The following HSDL2 variants were observed in gnomAD, a reference collection of about 807,000 sequenced individuals.
The protein encoded by HSDL2 is hydroxysteroid dehydrogenase like 2, also known as hydroxysteroid dehydrogenase-like protein 2.
Under a neutral mutation model 46.3 loss-of-function variants are expected in HSDL2, and 27 were observed. The ratio of observed to expected loss-of-function variants is 0.58; its 90% confidence interval spans 0.43 to 0.80. The LOEUF (loss-of-function observed/expected upper bound fraction) is 0.80. HSDL2 is among the 30% of genes least tolerant of loss of function. The probability of loss-of-function intolerance (pLI) is 0.00; values close to 1 mark genes in which losing one functional copy is unlikely to be tolerated. For synonymous variants in HSDL2, 153 were observed against 163.6 expected (o/e 0.94, Z 0.50); for missense variants, 451 against 502.7 (o/e 0.90, Z 0.98).
At chr9:112,418,722 CACAT>C (rs1832052834) in intron 5 of HSDL2, 134 bp from the exon 6 acceptor site, 1 of 419,206 alleles carries the variant, frequency 2.4e-6, no homozygotes, top group East Asian at 4.4e-5. Context: ...CAGATATATA[CACAT>C]ACATATGTAT....
chr9:112,433,151 G>C (rs1832447144), intron 6 of HSDL2, among the ~76,000 whole-genome samples: 1 of 152,136 alleles, frequency 6.6e-6, no homozygotes, highest in Non-Finnish European at 1.5e-5. Flanking sequence ...GTAAACAATT[G>C]AAATGAGATC....
intron 8 of HSDL2, among the ~76,000 whole-genome samples, chr9:112,446,447 T>C (rs771959645): frequency 6.6e-5 from 10 of 152,164 alleles, no homozygotes; most frequent in Non-Finnish European, 1.3e-4. Flanking sequence ...AATGTAGCAA[T>C]AGCAAGATCC....
intron 4 of HSDL2, among the ~76,000 whole-genome samples, chr9:112,410,834 T>TG (rs762843852): frequency 1.1e-4 from 17 of 151,926 alleles, no homozygotes; most frequent in Non-Finnish European, 2.1e-4. Flanking sequence ...GAAGCTGAAG[T>TG]GGGGGGATTG....
At chr9:112,424,935 C>T (rs1832214120) in intron 6 of HSDL2, among the ~76,000 whole-genome samples, 1 of 151,820 alleles carries the variant, frequency 6.6e-6, no homozygotes, top group African/African-American at 2.4e-5. Flanking sequence ...TGCAGATTCT[C>T]CTAGTTTTTT....
At chr9:112,442,745 A>AT (rs567587188) in intron 8 of HSDL2, among the ~76,000 whole-genome samples, 45 of 147,714 alleles carry the variant, frequency 3.0e-4, no homozygotes, top group African/African-American at 6.9e-4. Flanking sequence ...ACTCTCATCG[A>AT]TTTTTTTTTT....
intron 1 of HSDL2, among the ~76,000 whole-genome samples, chr9:112,382,941 CT>C (rs56082014): frequency 0.42 from 58,212 of 138,094 alleles, 11,958 homozygotes; most frequent in South Asian, 0.48. Flanking sequence ...AAACCAAGAT[CT>C]TTTTTTTTTT....
chr9:112,465,286 G>A (rs1347942844), intron 10 of HSDL2, among the ~76,000 whole-genome samples: 3 of 151,996 alleles, frequency 2.0e-5, no homozygotes, highest in Non-Finnish European at 2.9e-5. Context: ...CCACTACCAC[G>A]CCTGGCTAAT....
chr9:112,412,285 G>A (rs1355526193), intron 4 of HSDL2, among the ~76,000 whole-genome samples: 1 of 138,654 alleles, frequency 7.2e-6, no homozygotes, highest in Non-Finnish European at 1.6e-5. Flanking sequence ...GATTAAAAAG[G>A]TTTTAGACTG....
At chr9:112,394,437 C>G (rs1405033305) in intron 1 of HSDL2, among the ~76,000 whole-genome samples, 1 of 152,200 alleles carries the variant, frequency 6.6e-6, no homozygotes, top group Non-Finnish European at 1.5e-5. Context: ...ACATCCTCTT[C>G]CGCCAGAGGA....
chr9:112,392,853 A>T (rs987671814), intron 1 of HSDL2, among the ~76,000 whole-genome samples: 1 of 152,260 alleles, frequency 6.6e-6, no homozygotes, highest in African/African-American at 2.4e-5. Flanking sequence ...TTAAGAGATT[A>T]AAGTAAAGAC....
chr9:112,409,034 G>C lies in HSDL2; in HGVS notation c.395+13G>C. ...GCACCTACCTTGCGTAAGTTTGCAA[G>C]AAGAGTTGTTGGGGAGGAAGTTGCG... On this transcript the variant is annotated intron_variant, in intron 4 of 10. Coordinates refer to ENST00000398805, the MANE Select transcript of HSDL2 (RefSeq NM_032303.5). 6.8e-7 allele frequency: 1 copy of C among 1,462,142 alleles called. No individual in the cohort carries two copies. Among genetic ancestry groups the C allele is most frequent in the Non-Finnish European group, 9.5e-7 (1 of 1,048,798 alleles). The allele number at this position is 1,462,142 out of a possible 1,614,324, so 90.6% of individuals were successfully genotyped here.
At chr9:112,387,039 G>C (rs1386261152) in intron 1 of HSDL2, among the ~76,000 whole-genome samples, 2 of 152,142 alleles carry the variant, frequency 1.3e-5, no homozygotes, top group Non-Finnish European at 2.9e-5. Context: ...CCAACCATAA[G>C]AAAAACTGAG....
intron 8 of HSDL2, among the ~76,000 whole-genome samples, chr9:112,444,269 C>T (rs546706512): frequency 3.5e-4 from 53 of 152,294 alleles, no homozygotes; most frequent in African/African-American, 1.2e-3. Context: ...TCCCTTGTTT[C>T]CAAAGGGGGA....
chr9:112,401,560 A>G (rs759037211), intron 1 of HSDL2, among the ~76,000 whole-genome samples: 2 of 152,078 alleles, frequency 1.3e-5, no homozygotes, highest in Admixed American at 6.6e-5. Flanking sequence ...GTAACAATCA[A>G]TCTTAGCTCC....
chr9:112,438,281 C>G, intron 6 of HSDL2, 150 bp from the exon 7 acceptor site: 1 of 579,988 alleles, frequency 1.7e-6, no homozygotes, highest in African/African-American at 1.9e-5. Flanking sequence ...TTGGCAAATC[C>G]CTTAAGCAAT....
intron 6 of HSDL2, among the ~76,000 whole-genome samples, chr9:112,435,279 G>T (rs1832500540): frequency 6.6e-6 from 1 of 152,030 alleles, no homozygotes; most frequent in Non-Finnish European, 1.5e-5. Flanking sequence ...TATTTTATTA[G>T]ACTTCTAATT....
chr9:112,428,060 T>G (rs182005626), intron 6 of HSDL2, among the ~76,000 whole-genome samples: 1 of 152,318 alleles, frequency 6.6e-6, no homozygotes, highest in Admixed American at 6.5e-5. Flanking sequence ...TCCTATCTGC[T>G]ATGTACTGGA....
rs146488196 is a variant in HSDL2 at position 112,441,511 on chromosome 9, G to A, written c.794-188G>A. Among the ~76,000 whole-genome samples, 635 of 152,256 alleles carry A rather than the reference G, an allele frequency of 4.2e-3. 5 individuals carry two copies. Among genetic ancestry groups the A allele is most frequent in the African/African-American group, 0.015 (616 of 41,546 alleles). On this transcript the variant is annotated intron_variant, in intron 7 of 10. Coordinates refer to ENST00000398805, the MANE Select transcript of HSDL2 (RefSeq NM_032303.5). Reference sequence around the variant, plus strand: ...ATCTTGAAGATAAAATTTATCAGAGGAGAGAAAGATAACTGAATTATGAGA... The same window carrying A: ...ATCTTGAAGATAAAATTTATCAGAGAAGAGAAAGATAACTGAATTATGAGA...
chr9:112,430,940 C>T (rs1320916833), intron 6 of HSDL2, among the ~76,000 whole-genome samples: 2 of 150,694 alleles, frequency 1.3e-5, no homozygotes, highest in Admixed American at 1.3e-4. Context: ...TAGTCCCATC[C>T]ACTCAGGAGG....
Sources: allele counts gnomAD v4.1 joint callset (sites outside exome capture counted in the v4.1 genomes callset), GRCh38; gene constraint gnomAD v4.1.1; transcripts MANE v1.5; gene names NCBI Gene and HGNC (gene_info 2026-07-23, HGNC 2026-07-21).